IFI16: variants seen among roughly 807,000 people sequenced by gnomAD.
The protein encoded by IFI16 is interferon gamma inducible protein 16.
Under a neutral mutation model 68.4 loss-of-function variants are expected in IFI16, and 49 were observed. The observed-to-expected ratio is 0.72, with a 90% CI of 0.57 to 0.91. The LOEUF is 0.91. Among genes scored for constraint, IFI16 ranks in the 40% least tolerant of loss-of-function variants. IFI16 has a pLI of 0.00. For synonymous variants in IFI16, 307 were observed against 315.0 expected, an observed-to-expected ratio of 0.97 and a Z score of 0.27; for missense variants, 878 against 942.9, an observed-to-expected ratio of 0.93 and a Z score of 0.90.
upstream of IFI16, among the ~76,000 whole-genome samples, chr1:159,004,138 T>C (rs562186665): frequency 1.4e-5 from 2 of 140,082 alleles, no homozygotes; most frequent in Non-Finnish European, 3.3e-5. Flanking sequence ...TACTTGTAAA[T>C]TTTATTTCTC....
intron 5 of IFI16, among the ~76,000 whole-genome samples, chr1:159,019,544 C>T (rs967703744): frequency 6.6e-6 from 1 of 151,160 alleles, no homozygotes; most frequent in Non-Finnish European, 1.5e-5. Context: ...CTGCAACCTT[C>T]GCCTCCTGGG....
At chr1:159,031,462 C>T (rs1165838288) in intron 6 of IFI16, among the ~76,000 whole-genome samples, 1 of 152,230 alleles carries the variant, frequency 6.6e-6, no homozygotes, top group Non-Finnish European at 1.5e-5. Context: ...CTTTGTGAGA[C>T]AAAGTCAGTA....
chr1:159,011,420 C>T (rs937551944), intron 1 of IFI16, among the ~76,000 whole-genome samples: 13 of 151,646 alleles, frequency 8.6e-5, no homozygotes, highest in Admixed American at 5.9e-4. Context: ...GTAGTGCTCT[C>T]ACAATCACAT....
chr1:159,041,098 C>A lies in IFI16; in HGVS notation c.1330-4199C>A, dbSNP rs371168230. The stretch of plus-strand genomic sequence containing the variant: ...GCAGCAGGCTCCTGCAGCCCTCTCA[C>A]CTACCACTTTTTCAGCTAACGGTGC... On this transcript the variant is annotated intron_variant, in intron 7 of 11. Transcript: ENST00000295809. 2.6e-5 allele frequency among the ~76,000 whole-genome samples: 4 copies of A among 152,188 alleles called. No individual in the cohort carries two copies. In the South Asian group the frequency reaches 8.3e-4, roughly 31 times the overall value.
intron 1 of IFI16, among the ~76,000 whole-genome samples, chr1:159,010,989 T>G (rs1203008632): frequency 6.6e-6 from 1 of 152,248 alleles, no homozygotes; most frequent in Admixed American, 6.5e-5. Context: ...ATTAGATAAA[T>G]GTTGTTAATT....
At chr1:159,034,765 T>G (rs1654218371) in intron 7 of IFI16, among the ~76,000 whole-genome samples, 1 of 152,196 alleles carries the variant, frequency 6.6e-6, no homozygotes. Context: ...CTCCCTTTAT[T>G]TTTCCTAATA....
chr1:159,032,481 C>T (rs1221903320), intron 6 of IFI16, 43 bp from the exon 7 acceptor site: 2 of 1,239,816 alleles, frequency 1.6e-6, no homozygotes, highest in Admixed American at 5.3e-5. Flanking sequence ...GTTGTGCTTC[C>T]TCTAATATTG....
At chr1:159,045,538 A>G (rs547939724) in intron 8 of IFI16, 74 bp downstream of exon 8, 1 of 1,563,206 alleles carries the variant, frequency 6.4e-7, no homozygotes, top group Non-Finnish European at 8.7e-7. Flanking sequence ...CCTTGAAAGC[A>G]CCTCACCAAT....
chr1:159,033,226 A>T (rs1654117934), intron 7 of IFI16, among the ~76,000 whole-genome samples: 1 of 152,186 alleles, frequency 6.6e-6, no homozygotes, highest in African/African-American at 2.4e-5. Flanking sequence ...CTGATACAAG[A>T]TACTGGAACT....
chr1:159,005,409 C>CAGTAT (rs1358192488), upstream of IFI16, among the ~76,000 whole-genome samples: 13 of 152,294 alleles, frequency 8.5e-5, no homozygotes, highest in African/African-American at 2.6e-4. Flanking sequence ...TGGCCTTGTA[C>CAGTAT]AGTATATCAT....
chr1:159,041,242 T>A (rs1654619006), intron 7 of IFI16, among the ~76,000 whole-genome samples: 1 of 152,202 alleles, frequency 6.6e-6, no homozygotes, highest in Non-Finnish European at 1.5e-5. Flanking sequence ...AGTATATGAT[T>A]TTGCAGACAC....
intron 3 of IFI16, 133 bp downstream of exon 3, chr1:159,016,120 G>C (rs1336012089): frequency 4.2e-5 from 27 of 638,844 alleles, no homozygotes; most frequent in Non-Finnish European, 7.3e-5. Flanking sequence ...CAAATTGTAT[G>C]ATAATTGATC....
At chr1:159,040,989 T>C (rs1271389451) in intron 7 of IFI16, among the ~76,000 whole-genome samples, 3 of 152,206 alleles carry the variant, frequency 2.0e-5, no homozygotes, top group African/African-American at 7.2e-5. Flanking sequence ...GTTTGTTTAA[T>C]AGCCTGAACT....
rs1296519845 is a variant in IFI16, at chr1:159,051,680, T to C, written c.1667T>C (p.Leu556Ser). 1.9e-6 allele frequency: 3 copies of C among 1,606,090 alleles called. No homozygotes were observed. Among genetic ancestry groups the C allele is most frequent in the Non-Finnish European group, 2.6e-6 (3 of 1,175,068 alleles). Residue 556 changes from leucine (L) to serine (S), a missense_variant and splice_region_variant, in exon 10 of 12, where the codon TTG (leucine) becomes TCG (serine). This residue lies in a region of IFI16 where 311 missense variants were observed against 305.1 expected (regional missense o/e 1.02). Transcript: ENST00000295809. ...STPSSSFLTT[L>S]KPRLKTEPEE... is the part of the protein sequence containing the mutation. ...ATGTTTTGGTCTCTACCTTCTAAGT[T>C]GAAACCAAGACTGAAGACTGAACCT...
chr1:159,037,529 A>G (rs1009141644), intron 7 of IFI16, among the ~76,000 whole-genome samples: 7 of 152,220 alleles, frequency 4.6e-5, no homozygotes, highest in Admixed American at 2.0e-4. Context: ...AGATCATATA[A>G]TGCCTGAATC....
intron 5 of IFI16, among the ~76,000 whole-genome samples, chr1:159,019,307 G>A (rs12088214): frequency 0.043 from 6,533 of 150,698 alleles, 306 homozygotes; most frequent in African/African-American, 0.12. Flanking sequence ...ATATGTTCCT[G>A]TCCAAATTCA....
intron 9 of IFI16, among the ~76,000 whole-genome samples, chr1:159,050,352 T>C (rs72709548): frequency 0.035 from 5,354 of 152,342 alleles, 108 homozygotes; most frequent in Non-Finnish European, 0.046. Context: ...TCTTCTTTCA[T>C]TGCCCTCAGA....
intron 10 of IFI16, chr1:159,053,298 T>C (rs1450610904): frequency 8.3e-6 from 3 of 361,470 alleles, no homozygotes; most frequent in Non-Finnish European, 1.5e-5. Flanking sequence ...AATCAATTTT[T>C]TTTCCTAGAA....
chr1:159,016,037 G>T, intron 3 of IFI16, 50 bp downstream of exon 3: 1 of 1,189,408 alleles, frequency 8.4e-7, no homozygotes, highest in Non-Finnish European at 1.2e-6. Context: ...AGGAAGCTCT[G>T]CTACGGCTCT....
Sources: allele counts gnomAD v4.1 joint callset (sites outside exome capture counted in the v4.1 genomes callset), GRCh38; gene constraint gnomAD v4.1.1; regional missense constraint gnomAD v4.1.1; transcripts MANE v1.5; gene names NCBI Gene and HGNC (gene_info 2026-07-23, HGNC 2026-07-21).